The following GDPD1 variants were observed in gnomAD, a reference collection of about 807,000 sequenced individuals.
GDPD1 encodes the protein lysophospholipase D GDPD1.
A neutral mutation model predicts 45.1 loss-of-function variants in GDPD1; 28 were observed. The observed-to-expected ratio is 0.62, with a 90% CI of 0.46 to 0.85. The LOEUF (loss-of-function observed/expected upper bound fraction) is 0.85. Ranked by LOEUF, GDPD1 falls within the 40% of genes least tolerant of loss-of-function variation. The probability of loss-of-function intolerance (pLI) is 0.00; values close to 1 mark genes in which losing one functional copy is unlikely to be tolerated. For missense variants in GDPD1, 256 were observed against 364.8 expected, an observed-to-expected ratio of 0.70 and a Z score of 2.43; for synonymous variants, 139 against 131.4, an observed-to-expected ratio of 1.06 and a Z score of -0.40.
intron 3 of GDPD1, 51 bp from the exon 4 acceptor site, chr17:59,248,689 T>C (rs749605908): frequency 7.7e-7 from 1 of 1,290,710 alleles, no homozygotes; most frequent in Non-Finnish European, 1.1e-6. Flanking sequence ...CACATAAAAA[T>C]CTTATTATTT....
At chr17:59,248,680 A>G in intron 3 of GDPD1, 60 bp from the exon 4 acceptor site, 1 of 1,173,966 alleles carries the variant, frequency 8.5e-7, no homozygotes, top group East Asian at 2.3e-5. Flanking sequence ...TTAATGTAAC[A>G]CATAAAAATC....
At chr17:59,265,098 C>G (rs1229820030) in intron 6 of GDPD1, among the ~76,000 whole-genome samples, 1 of 152,120 alleles carries the variant, frequency 6.6e-6, no homozygotes, top group Non-Finnish European at 1.5e-5. Flanking sequence ...GCCTTGGCCT[C>G]CCAAAGTGCT....
At chr17:59,257,442 T>C (rs568257070) in intron 5 of GDPD1, among the ~76,000 whole-genome samples, 1 of 152,310 alleles carries the variant, frequency 6.6e-6, no homozygotes, top group East Asian at 1.9e-4. Flanking sequence ...TGGCATGTCA[T>C]GGATAAAATA....
Position 59,272,785 on chromosome 17 carries a change from C to G in GDPD1, c.771C>G (p.Leu257=), listed in dbSNP as rs1771190773. The change falls in exon 9 of 10, where the codon CTC becomes CTG. Residue 257 remains leucine, a splice_region_variant and synonymous_variant. Coordinates refer to ENST00000284116, the MANE Select transcript of GDPD1 (RefSeq NM_182569.4). ...ATCAGTTTTGCTTTTTCTTTTCTAGCTTACTAATGAGGAAAGCTTTGTTTG... is the reference window on the plus strand; with the variant it reads ...ATCAGTTTTGCTTTTTCTTTTCTAGGTTACTAATGAGGAAAGCTTTGTTTG... ...SQKFLIWLSD[L]LLMRKALFDH... 3.1e-6 allele frequency: 5 copies of G among 1,596,842 alleles called. No individual in the cohort carries two copies. The highest frequency in any genetic ancestry group is 4.3e-6 in the Non-Finnish European group (5 of 1,164,438).
At chr17:59,273,088 T>A in intron 9 of GDPD1, 1 of 333,324 alleles carries the variant, frequency 3.0e-6, no homozygotes, top group Non-Finnish European at 5.0e-6. Context: ...TGTGTGTGTA[T>A]ATATATATAA....
At chr17:59,226,162 A>G (rs529473745) in intron 1 of GDPD1, among the ~76,000 whole-genome samples, 51 of 152,308 alleles carry the variant, frequency 3.3e-4, no homozygotes, top group African/African-American at 1.2e-3. Context: ...CTTTGGTACA[A>G]GTGGTCAGTA....
chr17:59,254,643 T>C lies in GDPD1; in HGVS notation c.368-2479T>C, dbSNP rs368672593. On this transcript the variant is annotated intron_variant, in intron 4 of 9. Transcript: ENST00000284116. ...TTCAGTTATAAGTGTTAGATGCACA[T>C]CTCAAGATAGCTTAAGAAAAAAATT... Among the ~76,000 whole-genome samples the C allele has an allele frequency of 1.6e-4, 24 of 152,326 alleles. No individual in the cohort carries two copies. In the East Asian group the frequency reaches 2.7e-3, roughly 17 times the overall value.
chr17:59,255,529 G>A (rs1030151501), intron 4 of GDPD1, among the ~76,000 whole-genome samples: 6 of 149,608 alleles, frequency 4.0e-5, no homozygotes, highest in Non-Finnish European at 8.9e-5. Flanking sequence ...ATCACCGAAC[G>A]CCAGGAGTTT....
rs139935583 is a variant in GDPD1 at position 59,274,732 on chromosome 17, C to G, written c.*959C>G. Among the ~76,000 whole-genome samples the G allele has an allele frequency of 5.6e-3, 725 of 130,374 alleles. 9 individuals carry two copies. The highest frequency in any genetic ancestry group is 0.02 in the African/African-American group (681 of 34,712). The allele number at this position is 130,374 out of a possible 152,430, so 85.5% of individuals were successfully genotyped here. ...GGCGGAGCTTGCAGTGAGCCGAGATCGCGCCACTGCACTCCAGCCTGGGCT... is the reference window on the plus strand; with the variant it reads ...GGCGGAGCTTGCAGTGAGCCGAGATGGCGCCACTGCACTCCAGCCTGGGCT... On this transcript the variant is annotated 3_prime_UTR_variant, in exon 10 of 10. Transcript: ENST00000284116.
In GDPD1 at chr17:59,267,985, C is replaced by T. The variant is rs116124556; in HGVS notation, c.710+811C>T. 2.8e-3 allele frequency among the ~76,000 whole-genome samples: 420 copies of T among 152,074 alleles called. 2 individuals are homozygous for T. The highest frequency in any genetic ancestry group is 8.7e-3 in the African/African-American group (361 of 41,516). On this transcript the variant is annotated intron_variant, in intron 7 of 9. Coordinates refer to ENST00000284116, the MANE Select transcript of GDPD1 (RefSeq NM_182569.4). Reference sequence around the variant, plus strand: ...CCCAGCCAGGATCCTTTTATATTTACGTAATTCCACTACTAGAAAAGCCTT... The same window carrying T: ...CCCAGCCAGGATCCTTTTATATTTATGTAATTCCACTACTAGAAAAGCCTT...
At chr17:59,250,206 A>G (rs985363391) in intron 4 of GDPD1, among the ~76,000 whole-genome samples, 4 of 152,210 alleles carry the variant, frequency 2.6e-5, no homozygotes, top group African/African-American at 9.6e-5. Flanking sequence ...ATACGATTAT[A>G]CTTGCCAAAC....
chr17:59,223,669 CCATTGAAA>C (rs1555720686), intron 1 of GDPD1, among the ~76,000 whole-genome samples: 1 of 152,078 alleles, frequency 6.6e-6, no homozygotes, highest in Non-Finnish European at 1.5e-5. Context: ...AGATATGTGA[CCATTGAAA>C]CATTAATCAT....
Position 59,248,708 on chromosome 17 carries a change from T to G in GDPD1, c.322-32T>G. 2.0e-6 allele frequency: 3 copies of G among 1,502,786 alleles called. No individual in the cohort carries two copies. In the East Asian group the frequency reaches 6.8e-5, roughly 34 times the overall value. 93.1% of individuals were successfully genotyped at this position (1,502,786 alleles called of 1,614,324 possible). ...TAAAAATCTTATTATTTTTTGAGAG[T>G]TAACTTTTTTTTCAATCATATCTTT... On this transcript the variant is annotated intron_variant, in intron 3 of 9. Coordinates refer to ENST00000284116, the MANE Select transcript of GDPD1 (RefSeq NM_182569.4).
intron 6 of GDPD1, 38 bp from the exon 7 acceptor site, chr17:59,267,003 T>C (rs1478008125): frequency 1.3e-6 from 2 of 1,522,782 alleles, no homozygotes; most frequent in African/African-American, 2.7e-5. Flanking sequence ...ATTTGAGCAG[T>C]TGTAAAAATA....
chr17:59,271,170 A>G (rs2047441362), intron 8 of GDPD1, among the ~76,000 whole-genome samples, 175 bp downstream of exon 8: 1 of 152,180 alleles, frequency 6.6e-6, no homozygotes, highest in African/African-American at 2.4e-5. Flanking sequence ...CTAATCACAA[A>G]ATCTTAGGAA....
intron 3 of GDPD1, among the ~76,000 whole-genome samples, chr17:59,247,335 C>A (rs894881167): frequency 1.3e-5 from 2 of 152,142 alleles, no homozygotes; most frequent in Admixed American, 6.6e-5. Flanking sequence ...TATACTATTA[C>A]ACAAAATGGT....
At chr17:59,247,053 C>T (rs536800084) in intron 3 of GDPD1, among the ~76,000 whole-genome samples, 1 of 152,198 alleles carries the variant, frequency 6.6e-6, no homozygotes, top group Non-Finnish European at 1.5e-5. Context: ...CAGGTGTGAG[C>T]CACCACGCCC....
At chr17:59,269,486 C>CA (rs1202072441) in intron 7 of GDPD1, among the ~76,000 whole-genome samples, 20 of 135,240 alleles carry the variant, frequency 1.5e-4, no homozygotes, top group Admixed American at 3.7e-4. Context: ...CCCCCCCCCC[C>CA]AAAAAACACC....
chr17:59,261,897 G>C (rs2047358324), intron 6 of GDPD1, among the ~76,000 whole-genome samples: 1 of 141,950 alleles, frequency 7.0e-6, no homozygotes, highest in Non-Finnish European at 1.5e-5. Flanking sequence ...TTTTCCCAAA[G>C]TGCTGAGATT....
Sources: gnomAD v4.1 joint callset for allele counts (sites outside exome capture counted in the v4.1 genomes callset) on GRCh38, gnomAD v4.1.1 for gene constraint, MANE v1.5 for transcripts, NCBI Gene and HGNC (gene_info 2026-07-23, HGNC 2026-07-21) for gene names.